Variants in MRRF observed in about 807,000 individuals in gnomAD.
The protein encoded by MRRF is ribosome-recycling factor, mitochondrial.
MRRF carries 18 observed loss-of-function variants against 25.1 expected under a neutral mutation model. That is an observed-to-expected ratio of 0.72 (90% confidence interval 0.50 to 1.06). The LOEUF (loss-of-function observed/expected upper bound fraction) is 1.06, where lower values mean the gene tolerates loss of function less well. Among genes scored for constraint, MRRF ranks in the 50% least tolerant of loss-of-function variants. The probability of loss-of-function intolerance (pLI) is 0.00; values close to 1 mark genes in which losing one functional copy is unlikely to be tolerated. For synonymous variants in MRRF, 113 were observed against 112.1 expected (o/e 1.01, Z -0.05); for missense variants, 323 against 319.3 (o/e 1.01, Z -0.09).
rs1835786381 is a variant in MRRF, at chr9:122,319,985, C to G, written c.712-2555C>G. ...CACCTCCTGGGCTCAAGCTATCCTC[C>G]CATCTCAGCTTCCTGAGTAGCCGGG... On this transcript the variant is annotated intron_variant, in intron 6 of 6. Coordinates refer to ENST00000344641, the MANE Select transcript of MRRF (RefSeq NM_138777.5). 2.0e-5 allele frequency among the ~76,000 whole-genome samples: 3 copies of G among 151,612 alleles called. No homozygotes were observed. The South Asian group carries it at 6.2e-4, about 32-fold the overall frequency.
At chr9:122,301,322 T>C (rs1834440601) in intron 5 of MRRF, among the ~76,000 whole-genome samples, 1 of 152,036 alleles carries the variant, frequency 6.6e-6, no homozygotes, top group South Asian at 2.1e-4. Flanking sequence ...AGCAGGGTGG[T>C]CCCCAGGCTG....
intron 4 of MRRF, among the ~76,000 whole-genome samples, chr9:122,288,379 G>C (rs527709235): frequency 1.3e-5 from 2 of 152,240 alleles, no homozygotes; most frequent in African/African-American, 4.8e-5. Flanking sequence ...GATCAGTACA[G>C]GTACTCTGTA....
At chr9:122,279,515 T>A (rs1281379778) in intron 2 of MRRF, among the ~76,000 whole-genome samples, 2 of 152,262 alleles carry the variant, frequency 1.3e-5, no homozygotes, top group Non-Finnish European at 2.9e-5. Flanking sequence ...ATTTGTTGAA[T>A]GTTTAATGAA....
chr9:122,269,753 A>T (rs1471164300), intron 1 of MRRF, among the ~76,000 whole-genome samples: 11 of 152,062 alleles, frequency 7.2e-5, no homozygotes, highest in Admixed American at 4.6e-4. Context: ...ATATTTTTTT[A>T]AAAGTTTGAA....
intron 5 of MRRF, among the ~76,000 whole-genome samples, chr9:122,299,036 G>A (rs915416078): frequency 3.3e-5 from 5 of 152,046 alleles, no homozygotes; most frequent in Admixed American, 6.6e-5. Context: ...AGTCTACCTG[G>A]GATGTTCAAG....
chr9:122,298,660 A>G (rs1205959876), intron 5 of MRRF, among the ~76,000 whole-genome samples: 1 of 152,234 alleles, frequency 6.6e-6, no homozygotes, highest in Non-Finnish European at 1.5e-5. Context: ...CTCAACAGAC[A>G]TTTATTGAAT....
At chr9:122,298,759 C>T (rs1834245955) in intron 5 of MRRF, among the ~76,000 whole-genome samples, 1 of 152,122 alleles carries the variant, frequency 6.6e-6, no homozygotes, top group Non-Finnish European at 1.5e-5. Context: ...GGAACATTTA[C>T]TGGGGAGATG....
At chr9:122,268,010 T>C (rs986917888) in intron 1 of MRRF, among the ~76,000 whole-genome samples, 3 of 152,230 alleles carry the variant, frequency 2.0e-5, no homozygotes, top group African/African-American at 7.2e-5. Flanking sequence ...ATTGCTTCTA[T>C]GTATAGGTTA....
chr9:122,299,322 C>T (rs1055374739), intron 5 of MRRF, among the ~76,000 whole-genome samples: 4 of 151,726 alleles, frequency 2.6e-5, no homozygotes, highest in African/African-American at 9.7e-5. Flanking sequence ...ACCATGTTGG[C>T]CAGGCTGGTC....
At chr9:122,272,791 C>T (rs1420061649) in intron 2 of MRRF, among the ~76,000 whole-genome samples, 3 of 151,974 alleles carry the variant, frequency 2.0e-5, no homozygotes, top group South Asian at 2.1e-4. Context: ...AAGAAATACC[C>T]GTCTATTGCA....
intron 5 of MRRF, among the ~76,000 whole-genome samples, chr9:122,298,907 C>G (rs1362912811): frequency 2.0e-5 from 3 of 152,010 alleles, no homozygotes; most frequent in Non-Finnish European, 2.9e-5. Context: ...AGTAGATGTT[C>G]ATGAAGTATT....
chr9:122,268,067 T>G (rs1201731574), intron 1 of MRRF, among the ~76,000 whole-genome samples: 16 of 152,232 alleles, frequency 1.1e-4, no homozygotes, highest in Non-Finnish European at 7.3e-5. Context: ...TTCTTCAACT[T>G]TAATTCTTTA....
chr9:122,322,683 G>A lies in MRRF; in HGVS notation c.*66G>A, dbSNP rs1241429594. On this transcript the variant is annotated 3_prime_UTR_variant, in exon 7 of 7. Transcript: ENST00000344641. ...GCTGGATCCCATGGGTGGCACATTGGGACTTCTCTCCCTCCCCCATCTACA... is the reference window on the plus strand; with the variant it reads ...GCTGGATCCCATGGGTGGCACATTGAGACTTCTCTCCCTCCCCCATCTACA... 5.6e-6 allele frequency: 8 copies of A among 1,426,432 alleles called. No individual in the cohort carries two copies. The highest frequency in any genetic ancestry group is 7.9e-6 in the Non-Finnish European group (8 of 1,015,438). 88.4% of individuals were successfully genotyped at this position (1,426,432 alleles called of 1,614,324 possible). A position where few individuals can be genotyped will look rare whatever the true frequency, so the allele number is the denominator to read the frequency against.
intron 5 of MRRF, among the ~76,000 whole-genome samples, chr9:122,309,134 C>T (rs1465169558): frequency 6.6e-6 from 1 of 152,174 alleles, no homozygotes; most frequent in Non-Finnish European, 1.5e-5. Context: ...TGGAATCATA[C>T]AATATGTGTC....
chr9:122,281,782 A>G (rs543071699), intron 3 of MRRF, among the ~76,000 whole-genome samples: 4 of 152,320 alleles, frequency 2.6e-5, no homozygotes, highest in Middle Eastern at 3.4e-3. Context: ...ACTTAAAAAG[A>G]TGATGGGCCT....
intron 1 of MRRF, chr9:122,265,742 G>A (rs1211725916): frequency 2.3e-6 from 3 of 1,288,710 alleles, no homozygotes; most frequent in South Asian, 1.2e-5. Context: ...GAATACGTGT[G>A]ATTATGAATC....
chr9:122,285,356 G>A, intron 4 of MRRF, 69 bp downstream of exon 4: 1 of 919,786 alleles, frequency 1.1e-6, no homozygotes, highest in Non-Finnish European at 1.8e-6. Flanking sequence ...GTCATATCAG[G>A]AGGAAGTGTT....
chr9:122,284,602 G>C (rs1019508791), intron 3 of MRRF, among the ~76,000 whole-genome samples: 1 of 152,144 alleles, frequency 6.6e-6, no homozygotes, highest in African/African-American at 2.4e-5. Flanking sequence ...TAAAAGCCCT[G>C]TCACAGAAAA....
chr9:122,314,666 T>G (rs111949250), intron 6 of MRRF, among the ~76,000 whole-genome samples: 1 of 152,122 alleles, frequency 6.6e-6, no homozygotes, highest in Admixed American at 6.5e-5. Flanking sequence ...TTTTTTTAGA[T>G]GATGGAGAGA....
Sources: allele counts gnomAD v4.1 joint callset (sites outside exome capture counted in the v4.1 genomes callset), GRCh38; gene constraint gnomAD v4.1.1; transcripts MANE v1.5; gene names NCBI Gene and HGNC (gene_info 2026-07-23, HGNC 2026-07-21).